The following AKNA variants were observed in gnomAD, a reference collection of about 807,000 sequenced individuals.
AKNA encodes microtubule organization protein AKNA.
A neutral mutation model predicts 138.8 loss-of-function variants in AKNA; 67 were observed. That is an observed-to-expected ratio of 0.48 (90% CI 0.40 to 0.59). AKNA has a LOEUF of 0.59. AKNA is among the 20% of genes least tolerant of loss of function. The pLI, the probability that AKNA is intolerant of heterozygous loss-of-function variation, is 0.00. For synonymous variants in AKNA, 737 were observed against 754.4 expected, an observed-to-expected ratio of 0.98 and a Z score of 0.38; for missense variants, 1,813 against 1,880.4, an observed-to-expected ratio of 0.96 and a Z score of 0.66.
intron 14 of AKNA, among the ~76,000 whole-genome samples, chr9:114,351,824 C>G (rs1249851336): frequency 6.6e-6 from 1 of 151,940 alleles, no homozygotes; most frequent in Non-Finnish European, 1.5e-5. Flanking sequence ...GAGCAAGACC[C>G]TGTCTCAAAA....
chr9:114,380,200 T>C (rs971010072), intron 2 of AKNA, among the ~76,000 whole-genome samples: 1 of 151,798 alleles, frequency 6.6e-6, no homozygotes, highest in Non-Finnish European at 1.5e-5. Context: ...CGGGACTAAG[T>C]AATTCAAATT....
At chr9:114,341,882 C>T (rs1830379532) in intron 20 of AKNA, 127 bp downstream of exon 20, 13 of 1,306,202 alleles carry the variant, frequency 1.0e-5, no homozygotes, top group Non-Finnish European at 1.2e-5. Flanking sequence ...GGAACAAATC[C>T]TCTGCCCCAG....
intron 4 of AKNA, among the ~76,000 whole-genome samples, chr9:114,370,972 T>A (rs1012361442): frequency 6.6e-6 from 1 of 152,158 alleles, no homozygotes; most frequent in African/African-American, 2.4e-5. Flanking sequence ...TCTGGTCACC[T>A]CAGCTCTTCC....
At chr9:114,366,214 A>G (rs1832343518) in intron 6 of AKNA, among the ~76,000 whole-genome samples, 1 of 149,878 alleles carries the variant, frequency 6.7e-6, no homozygotes, top group Admixed American at 6.7e-5. Context: ...CGGGAAGCGG[A>G]GGTTGCAGTG....
rs767590349 is a variant in AKNA at position 114,361,901 on chromosome 9, C to A, written c.1927G>T (p.Ala643Ser). ...CAGCTTCCCAGACGGTATATCTCTG[C>A]CTCCAGCTCCCTGGAATGCAGAAAC... ...GRFDPRRELE[A>S]EIYRLGSCLE... Residue 643 changes from alanine to serine, a missense_variant, in exon 9 of 22, where the codon GCA (alanine) becomes TCA (serine). Transcript: ENST00000374088. 6.2e-7 allele frequency: 1 copy of A among 1,601,822 alleles called. No homozygotes were observed. Among genetic ancestry groups the A allele is most frequent in the Non-Finnish European group, 8.5e-7 (1 of 1,179,958 alleles).
At chr9:114,374,724 C>T (rs1259600602) in intron 3 of AKNA, among the ~76,000 whole-genome samples, 1 of 152,078 alleles carries the variant, frequency 6.6e-6, no homozygotes, top group Non-Finnish European at 1.5e-5. Context: ...CAAGTCATTG[C>T]AGGAAAAAAG....
At chr9:114,382,797 G>C (rs892593716) in intron 1 of AKNA, among the ~76,000 whole-genome samples, 3 of 152,146 alleles carry the variant, frequency 2.0e-5, no homozygotes, top group African/African-American at 7.2e-5. Context: ...GAGAGTGAAA[G>C]CAGGCTGGTA....
chr9:114,390,702 T>A (rs1834301052), upstream of AKNA, among the ~76,000 whole-genome samples: 1 of 152,226 alleles, frequency 6.6e-6, no homozygotes, highest in African/African-American at 2.4e-5. Context: ...AGCTGGCCGC[T>A]GCTGCAGCCT....
At chr9:114,372,964 C>CG (rs558347748) in intron 4 of AKNA, among the ~76,000 whole-genome samples, 641 of 26,058 alleles carry the variant, frequency 0.025, 68 homozygotes, top group South Asian at 0.095. Flanking sequence ...GGGGACGCAG[C>CG]GGGGGGGGGG....
upstream of AKNA, among the ~76,000 whole-genome samples, chr9:114,390,745 C>T (rs974918854): frequency 3.9e-5 from 6 of 152,360 alleles, no homozygotes; most frequent in African/African-American, 1.4e-4. Flanking sequence ...CCTTGCTCAG[C>T]ATGCTCCTGC....
In AKNA at chr9:114,381,265, G is replaced by A. The variant is rs1414275219; in HGVS notation, c.69C>T (p.Arg23=). ...CCCTCTTGTCCTCGGCCCAGGCCCA[G>A]CGCCGCCGCTGGGGGCCCTTCCCCA... is the stretch of plus-strand genomic sequence containing the variant. ...PGLGKGPQRR[R]WAWAEDKRDV... is the part of the protein sequence containing the mutation. Residue 23 remains arginine (R), a synonymous_variant, in exon 2 of 22, where the codon CGC becomes CGT. Coordinates refer to ENST00000374088, the MANE Select transcript of AKNA (RefSeq NM_001317950.2). The A allele has an allele frequency of 1.9e-6, 3 of 1,613,186 alleles. No homozygotes were observed. Among genetic ancestry groups the A allele is most frequent in the African/African-American group, 1.3e-5 (1 of 74,892 alleles).
upstream of AKNA, among the ~76,000 whole-genome samples, chr9:114,390,376 GC>G (rs137942608): frequency 5.2e-3 from 797 of 152,112 alleles, 4 homozygotes; most frequent in African/African-American, 0.019. Context: ...CCTTAGTTTG[GC>G]CCATCTTTCA....
chr9:114,380,084 G>A (rs1198007283), intron 2 of AKNA, among the ~76,000 whole-genome samples: 2 of 151,834 alleles, frequency 1.3e-5, no homozygotes, highest in African/African-American at 4.8e-5. Flanking sequence ...CAGAAAGGTC[G>A]AGGCTGCAGT....
chr9:114,376,801 C>T lies in AKNA; in HGVS notation c.1006G>A (p.Ala336Thr), dbSNP rs760012633. The T allele has an allele frequency of 1.2e-6, 2 of 1,612,048 alleles. No homozygotes were observed. Among genetic ancestry groups the T allele is most frequent in the South Asian group, 1.1e-5 (1 of 90,946 alleles). Reference sequence around the variant, plus strand: ...GAAGAGGAGCGGCCAGCCAGAGTGGCTCCCTGTCTGGGCAGCGGCCTGCCC... The same window carrying T: ...GAAGAGGAGCGGCCAGCCAGAGTGGTTCCCTGTCTGGGCAGCGGCCTGCCC... ...RQGRPLPRQG[A>T]TLAGRSSSNA... The change falls in exon 3 of 22, where the codon GCC becomes ACC. Residue 336 changes from alanine (A) to threonine (T), a missense_variant. Coordinates refer to ENST00000374088, the MANE Select transcript of AKNA (RefSeq NM_001317950.2).
chr9:114,353,714 A>G (rs1005665549), intron 14 of AKNA, among the ~76,000 whole-genome samples: 2 of 152,252 alleles, frequency 1.3e-5, no homozygotes, highest in Admixed American at 6.5e-5. Flanking sequence ...CCATTATTGT[A>G]GGCTACAAAC....
chr9:114,380,373 G>C (rs547395353), intron 2 of AKNA, among the ~76,000 whole-genome samples: 2 of 152,316 alleles, frequency 1.3e-5, no homozygotes, highest in East Asian at 3.9e-4. Flanking sequence ...ACTTGTGGGA[G>C]AGGATTTGAT....
At position 114,355,943 on chromosome 9, in the gene AKNA, TC is replaced by T. The variant is rs1831467963; in HGVS notation, c.3039del (p.Thr1014HisfsTer158). On this transcript the variant is annotated frameshift_variant, in exon 14 of 22. Coordinates refer to ENST00000374088, the MANE Select transcript of AKNA (RefSeq NM_001317950.2). LOFTEE classifies it high-confidence loss of function. ...RQRAPNFSLE[R>X]TLAAEMAVPG... is the part of the protein sequence containing the mutation. The stretch of plus-strand genomic sequence containing the variant: ...CACTCACCCATCTCGGCTGCCAGTG[TC>T]CGCTCCAGGCTGAAGTTGGGTGCCC... The T allele has an allele frequency of 1.2e-6, 2 of 1,614,164 alleles. No individual in the cohort carries two copies. Among genetic ancestry groups the T allele is most frequent in the Non-Finnish European group, 1.7e-6 (2 of 1,180,010 alleles).
chr9:114,360,443 C>T (rs968465523), intron 9 of AKNA, among the ~76,000 whole-genome samples: 6 of 152,170 alleles, frequency 3.9e-5, no homozygotes, highest in African/African-American at 9.7e-5. Context: ...GTTAACTCTC[C>T]TGACCCCCAT....
Position 114,359,607 on chromosome 9 carries a change from C to A in AKNA, c.2479G>T (p.Gly827Trp), listed in dbSNP as rs763069293. The change falls in exon 11 of 22, where the codon GGG becomes TGG. Residue 827 changes from glycine (G) to tryptophan (W), a missense_variant. Coordinates refer to ENST00000374088, the MANE Select transcript of AKNA (RefSeq NM_001317950.2). ...QCPVQAEKSH[G>W]APLEEATEKM... The stretch of plus-strand genomic sequence containing the variant: ...TCAGTGACTTACTCCAGGGGAGCCC[C>A]ATGACTTTTCTCAGCCTGCACCGGG... The A allele has an allele frequency of 2.0e-5, 32 of 1,614,192 alleles. No homozygotes were observed. The South Asian group carries it at 3.4e-4, about 17-fold the overall frequency.
Sources: gnomAD v4.1 joint callset for allele counts (sites outside exome capture counted in the v4.1 genomes callset) on GRCh38, gnomAD v4.1.1 for gene constraint, MANE v1.5 for transcripts, NCBI Gene and HGNC (gene_info 2026-07-23, HGNC 2026-07-21) for gene names.